Variants in AGAP1 observed in about 807,000 individuals in gnomAD.
The protein encoded by AGAP1 is arf-GAP with GTPase, ANK repeat and PH domain-containing protein 1.
Under a neutral mutation model 105.3 loss-of-function variants are expected in AGAP1, and 29 were observed. The observed-to-expected ratio is 0.28, with a 90% CI of 0.21 to 0.38. AGAP1 has a LOEUF of 0.38. Ranked by LOEUF, AGAP1 falls within the 10% of genes least tolerant of loss-of-function variation. The pLI, the probability that AGAP1 is intolerant of heterozygous loss-of-function variation, is 1.00. For synonymous variants in AGAP1, 509 were observed against 485.9 expected (o/e 1.05, Z -0.63); for missense variants, 998 against 1,165.1 (o/e 0.86, Z 2.09).
Position 236,036,604 on chromosome 2 carries a change from C to T in AGAP1, c.1689C>T (p.Gly563=). 3 of 1,614,226 alleles carry T rather than the reference C, an allele frequency of 1.9e-6. No individual in the cohort carries two copies. The highest frequency in any genetic ancestry group is 1.3e-5 in the African/African-American group (1 of 75,054). The change falls in exon 14 of 18, where the codon GGC becomes GGT. Residue 563 remains glycine (G), a synonymous_variant. Transcript: ENST00000304032. This position sits in a 1 kb window ranked among gnomAD's most constrained non-coding sequence, Gnocchi z 5.7. ...NFEFIIVSLT[G]QTWHFEATTY... ...AGTTTATCATTGTGTCCCTCACTGG[C>T]CAAACATGGCACTTTGAAGCCACGA...
rs116363955 is a variant in AGAP1 at position 235,533,009 on chromosome 2, A to G, written c.163+38160A>G. Among the ~76,000 whole-genome samples, 1,027 of 152,326 alleles carry G rather than the reference A, an allele frequency of 6.7e-3. 9 individuals are homozygous for G. Among genetic ancestry groups the G allele is most frequent in the African/African-American group, 0.023 (975 of 41,568 alleles). Reference sequence around the variant, plus strand: ...TTTGTTTGAAGGGAAAAAAAAATCAATCAATCAATATCAGTAACTTGCTAT... The same window carrying G: ...TTTGTTTGAAGGGAAAAAAAAATCAGTCAATCAATATCAGTAACTTGCTAT... On this transcript the variant is annotated intron_variant, in intron 1 of 17. Transcript: ENST00000304032.
rs566021713 is a variant in AGAP1, at chr2:235,758,471, G to GTCTT, written c.673+7984_673+7987dup. Among the ~76,000 whole-genome samples, 87 of 152,174 alleles carry GTCTT rather than the reference G, an allele frequency of 5.7e-4. 1 individual carries two copies. The highest frequency in any genetic ancestry group is 2.0e-3 in the African/African-American group (85 of 41,512). ...CCATCATTTCCCGTTTCTACCTGTG[G>GTCTT]TCTTGGCTGTGCACCTGTACTCATC... is the stretch of plus-strand genomic sequence containing the variant. On this transcript the variant is annotated intron_variant, in intron 6 of 17. Coordinates refer to ENST00000304032, the MANE Select transcript of AGAP1 (RefSeq NM_001037131.3).
At chr2:235,654,861 C>G (rs1947722316) in intron 1 of AGAP1, among the ~76,000 whole-genome samples, 1 of 152,168 alleles carries the variant, frequency 6.6e-6, no homozygotes, top group African/African-American at 2.4e-5. Context: ...AAAATAATTT[C>G]TCCCAGCTAT....
chr2:236,011,539 C>T (rs945994935), intron 13 of AGAP1, among the ~76,000 whole-genome samples: 2 of 152,152 alleles, frequency 1.3e-5, no homozygotes, highest in Non-Finnish European at 2.9e-5. Context: ...ACGCAGCAAG[C>T]AAAATAGCAG....
chr2:235,675,753 A>G (rs1015417739), intron 1 of AGAP1, among the ~76,000 whole-genome samples: 26 of 152,128 alleles, frequency 1.7e-4, no homozygotes, highest in Non-Finnish European at 2.9e-5. Flanking sequence ...CAGCCAGGGA[A>G]CCTTCTAAGT....
At chr2:235,833,542 G>A (rs1271626496) in intron 9 of AGAP1, among the ~76,000 whole-genome samples, 6 of 145,442 alleles carry the variant, frequency 4.1e-5, no homozygotes, top group South Asian at 2.2e-4. Context: ...TCATCACCCC[G>A]CCCCCTCCTC....
At chr2:235,774,950 T>C (rs1052668319) in intron 6 of AGAP1, among the ~76,000 whole-genome samples, 1 of 152,112 alleles carries the variant, frequency 6.6e-6, no homozygotes, top group African/African-American at 2.4e-5. Context: ...AAATGTCAGT[T>C]TGGGGAAAGC....
intron 1 of AGAP1, among the ~76,000 whole-genome samples, chr2:235,521,733 G>T (rs377673281): frequency 7.8e-6 from 1 of 128,246 alleles, no homozygotes; most frequent in Non-Finnish European, 1.6e-5. Context: ...GTTTTTGTTT[G>T]TTATATATAT....
At position 235,777,146 on chromosome 2, in the gene AGAP1, C is replaced by T. The variant is rs970637123; in HGVS notation, c.674-20613C>T. The stretch of plus-strand genomic sequence containing the variant: ...GGCCAAGGCGGGTGGATCACGAGGT[C>T]AGGAGATCGAGACCATCCTGGCTAA... On this transcript the variant is annotated intron_variant, in intron 6 of 17. Coordinates refer to ENST00000304032, the MANE Select transcript of AGAP1 (RefSeq NM_001037131.3). The surrounding 1 kb of genome is among the most constrained non-coding windows in gnomAD (Gnocchi z 5.1). The T allele has an allele frequency of 2.2e-6, 1 of 445,544 alleles. No homozygotes were observed. The highest frequency in any genetic ancestry group is 4.6e-6 in the Non-Finnish European group (1 of 216,426). 27.6% of individuals were successfully genotyped at this position (445,544 alleles called of 1,614,324 possible).
intron 1 of AGAP1, among the ~76,000 whole-genome samples, chr2:235,688,923 T>TGCA (rs1449066773): frequency 1.3e-5 from 2 of 152,222 alleles, no homozygotes; most frequent in East Asian, 3.9e-4. Flanking sequence ...GTAACGCAAT[T>TGCA]GCAGCAGCAG....
At chr2:235,746,528 A>T (rs1952967481) in intron 5 of AGAP1, among the ~76,000 whole-genome samples, 1 of 151,568 alleles carries the variant, frequency 6.6e-6, no homozygotes, top group Non-Finnish European at 1.5e-5. Context: ...GTTCACCAGG[A>T]GACAAGGCCG....
rs972531192 is a variant in AGAP1 at position 235,620,579 on chromosome 2, A to T, written c.164-88600A>T. On this transcript the variant is annotated intron_variant, in intron 1 of 17. Transcript: ENST00000304032. This position sits in a 1 kb window ranked among gnomAD's most constrained non-coding sequence, Gnocchi z 4.5. Reference sequence around the variant, plus strand: ...AGCCTCACCTCCAGTGTCATTGAGGACCCTCCGTGGCACCTGGCCTTCCTC... The same window carrying T: ...AGCCTCACCTCCAGTGTCATTGAGGTCCCTCCGTGGCACCTGGCCTTCCTC... Among the ~76,000 whole-genome samples the T allele has an allele frequency of 2.0e-5, 3 of 151,824 alleles. No individual in the cohort carries two copies. The highest frequency in any genetic ancestry group is 7.3e-5 in the African/African-American group (3 of 41,312).
intron 6 of AGAP1, among the ~76,000 whole-genome samples, chr2:235,768,533 C>T (rs763302146): frequency 2.0e-5 from 3 of 152,206 alleles, no homozygotes; most frequent in African/African-American, 4.8e-5. Flanking sequence ...AGGAGGGTAG[C>T]TTTCTCAAAG....
At chr2:235,941,239 G>A (rs971065278) in intron 12 of AGAP1, among the ~76,000 whole-genome samples, 8 of 152,114 alleles carry the variant, frequency 5.3e-5, no homozygotes, top group African/African-American at 1.9e-4. Context: ...TTCCTCCCTC[G>A]GATCATCTTA....
rs1227978254 is a variant in AGAP1, at chr2:235,793,949, T to A, written c.674-3810T>A. 1.3e-5 allele frequency among the ~76,000 whole-genome samples: 2 copies of A among 151,730 alleles called. No homozygotes were observed. The highest frequency in any genetic ancestry group is 2.4e-5 in the African/African-American group (1 of 41,282). On this transcript the variant is annotated intron_variant, in intron 6 of 17. Transcript: ENST00000304032. The surrounding 1 kb of genome is among the most constrained non-coding windows in gnomAD (Gnocchi z 5.3). ...CACTTTTTTTGTTAAGTTCTTAAAC[T>A]TTTTTTTTATTATTGAAGAATGGAA...
Position 236,123,976 on chromosome 2 carries a change from C to T in AGAP1, c.2428C>T (p.Arg810Trp), listed in dbSNP as rs781432875. Residue 810 changes from arginine (R) to tryptophan (W), a missense_variant, in exon 18 of 18, where the codon CGG becomes TGG. By Grantham distance (101) the Arg-to-Trp change is moderately radical. Transcript: ENST00000304032. The surrounding 1 kb of genome is among the most constrained non-coding windows in gnomAD (Gnocchi z 4.6). ...CGGGAACACAGCTCTGGCCTACGCC[C>T]GGCAGGCCTCCAGCCAGGAGTGCAT... The part of the protein sequence containing the change: ...AHGNTALAYA[R>W]QASSQECIDV... 9.3e-6 allele frequency: 15 copies of T among 1,613,968 alleles called. No individual in the cohort carries two copies. The highest frequency in any genetic ancestry group is 8.9e-5 in the East Asian group (4 of 44,872).
At position 236,045,190 on chromosome 2, in the gene AGAP1, A is replaced by G. The variant is rs2125696128; in HGVS notation, c.1892-3869A>G. On this transcript the variant is annotated intron_variant, in intron 15 of 17. Coordinates refer to ENST00000304032, the MANE Select transcript of AGAP1 (RefSeq NM_001037131.3). The surrounding 1 kb of genome is among the most constrained non-coding windows in gnomAD (Gnocchi z 6.9). ...ATTGACCTCCCAAAGTGCTGGGATTATAGGCAGGAGCCACTGTGCTGGGCC... is the reference window on the plus strand; with the variant it reads ...ATTGACCTCCCAAAGTGCTGGGATTGTAGGCAGGAGCCACTGTGCTGGGCC... 6.6e-6 allele frequency among the ~76,000 whole-genome samples: 1 copy of G among 152,274 alleles called. No homozygotes were observed. The highest frequency in any genetic ancestry group is 6.5e-5 in the Admixed American group (1 of 15,300).
intron 1 of AGAP1, among the ~76,000 whole-genome samples, chr2:235,528,829 C>T (rs2149069308): frequency 6.6e-6 from 1 of 152,162 alleles, no homozygotes; most frequent in South Asian, 2.1e-4. Context: ...AGTCATGTGC[C>T]ACCATGCCCG....
chr2:235,932,735 TC>T (rs1383974067), intron 12 of AGAP1, among the ~76,000 whole-genome samples: 5 of 152,240 alleles, frequency 3.3e-5, no homozygotes, highest in Non-Finnish European at 5.9e-5. Flanking sequence ...TAGGTAACTT[TC>T]CCTCTACTGA....
Sources: allele counts gnomAD v4.1 joint callset (sites outside exome capture counted in the v4.1 genomes callset), GRCh38; gene constraint gnomAD v4.1.1; non-coding constraint Gnocchi (gnomAD v3.1); transcripts MANE v1.5; gene names NCBI Gene and HGNC (gene_info 2026-07-23, HGNC 2026-07-21).